The following SESN1 variants were observed in gnomAD, a reference collection of about 807,000 sequenced individuals.
The protein encoded by SESN1 is sestrin-1.
SESN1 carries 30 observed loss-of-function variants against 59.3 expected under a neutral mutation model. The observed-to-expected ratio is 0.51, with a 90% CI of 0.38 to 0.69. SESN1 has a LOEUF of 0.69. SESN1 is among the 30% of genes least tolerant of loss of function. The probability of loss-of-function intolerance (pLI) is 0.00; values close to 1 mark genes in which losing one functional copy is unlikely to be tolerated. For synonymous variants in SESN1, 197 were observed against 219.9 expected, an observed-to-expected ratio of 0.90 and a Z score of 0.92; for missense variants, 566 against 673.0, an observed-to-expected ratio of 0.84 and a Z score of 1.76.
At chr6:109,015,274 T>C (rs190702265) in intron 1 of SESN1, among the ~76,000 whole-genome samples, 5 of 152,246 alleles carry the variant, frequency 3.3e-5, no homozygotes, top group Admixed American at 2.6e-4. Flanking sequence ...TTGGAACTCA[T>C]AGATACCCAA....
At chr6:109,007,309 T>C (rs75222113) in intron 1 of SESN1, among the ~76,000 whole-genome samples, 11,726 of 152,312 alleles carry the variant, frequency 0.077, 633 homozygotes, top group East Asian at 0.2. Context: ...ATTTGTGAGA[T>C]ACATTTATGC....
At chr6:109,092,369 C>G (rs974472645) in intron 1 of SESN1, among the ~76,000 whole-genome samples, 2 of 152,144 alleles carry the variant, frequency 1.3e-5, no homozygotes, top group Non-Finnish European at 2.9e-5. Flanking sequence ...CTCCAGTACC[C>G]ACTTATTTAT....
chr6:109,073,759 C>T (rs1319699883), intron 1 of SESN1, among the ~76,000 whole-genome samples: 1 of 152,172 alleles, frequency 6.6e-6, no homozygotes, highest in African/African-American at 2.4e-5. Context: ...TTAGAAGAGA[C>T]ATTTCAGAGA....
Position 109,094,192 on chromosome 6 carries a change from AAC to A in SESN1, c.-121_-120del, listed in dbSNP as rs1436569958. 4.2e-5 allele frequency: 48 copies of A among 1,142,334 alleles called. No homozygotes were observed. Among genetic ancestry groups the A allele is most frequent in the Non-Finnish European group, 5.8e-5 (47 of 811,340 alleles). 70.8% of individuals were successfully genotyped at this position (1,142,334 alleles called of 1,614,324 possible). A position where few individuals can be genotyped will look rare whatever the true frequency, so the allele number is the denominator to read the frequency against. ...ATCAGAGAAATCAAATCGTCATGAAAACACACATCTGGGTGACATTTGGAACC... is the reference window on the plus strand; with the variant it reads ...ATCAGAGAAATCAAATCGTCATGAAAACACATCTGGGTGACATTTGGAACC... On this transcript the variant is annotated 5_prime_UTR_variant, in exon 1 of 10. An upstream open reading frame in the 5' UTR loses its in-frame stop. Coordinates refer to ENST00000436639, the MANE Select transcript of SESN1 (RefSeq NM_014454.3).
intron 4 of SESN1, 25 bp from the exon 5 acceptor site, chr6:108,998,780 A>G (rs763379019): frequency 3.1e-6 from 5 of 1,588,438 alleles, no homozygotes; most frequent in East Asian, 2.2e-5. Flanking sequence ...AAAAAAGAAT[A>G]TATTTTTGTA....
intron 1 of SESN1, among the ~76,000 whole-genome samples, chr6:109,074,219 T>C (rs932357610): frequency 6.6e-6 from 1 of 152,232 alleles, no homozygotes; most frequent in Non-Finnish European, 1.5e-5. Context: ...GTTTGCACAA[T>C]TATGTAATTG....
At chr6:109,044,772 C>T (rs1012921917) in intron 1 of SESN1, among the ~76,000 whole-genome samples, 10 of 152,032 alleles carry the variant, frequency 6.6e-5, no homozygotes, top group African/African-American at 2.4e-4. Context: ...GCCTGTAATC[C>T]CAGCACTTTG....
At chr6:109,059,096 T>C (rs563748199) in intron 1 of SESN1, among the ~76,000 whole-genome samples, 5 of 149,818 alleles carry the variant, frequency 3.3e-5, no homozygotes, top group African/African-American at 1.2e-4. Context: ...TATCACTTCA[T>C]ACACACACAC....
chr6:109,076,531 G>A (rs181799105), intron 1 of SESN1, among the ~76,000 whole-genome samples: 13 of 152,232 alleles, frequency 8.5e-5, no homozygotes, highest in African/African-American at 3.1e-4. Context: ...AATGTAGTGA[G>A]GAGCTTTGAC....
At chr6:109,060,624 G>C (rs1052291906) in intron 1 of SESN1, among the ~76,000 whole-genome samples, 4 of 152,152 alleles carry the variant, frequency 2.6e-5, no homozygotes, top group Admixed American at 6.5e-5. Context: ...TTTTAGGTCA[G>C]AAAAAGTAGG....
chr6:109,001,178 TATTATATATCATA>T, intron 3 of SESN1, 97 bp downstream of exon 3: 1 of 897,818 alleles, frequency 1.1e-6, no homozygotes, highest in Non-Finnish European at 1.7e-6. Context: ...ACAGGAATCA[TATTATATATCATA>T]ATCTAAGTAT....
intron 7 of SESN1, among the ~76,000 whole-genome samples, chr6:108,991,411 TTTAAAA>T (rs1224982408): frequency 6.6e-6 from 1 of 152,198 alleles, no homozygotes; most frequent in African/African-American, 2.4e-5. Context: ...CTTGGCTACT[TTTAAAA>T]TTATTTGTAG....
intron 1 of SESN1, among the ~76,000 whole-genome samples, chr6:109,043,377 G>T (rs1474855617): frequency 2.0e-5 from 3 of 151,940 alleles, no homozygotes; most frequent in African/African-American, 7.2e-5. Flanking sequence ...AAGCCATACA[G>T]ATAAAAAACA....
intron 1 of SESN1, among the ~76,000 whole-genome samples, chr6:109,008,488 CATTT>C (rs1779781499): frequency 6.6e-6 from 1 of 152,150 alleles, no homozygotes; most frequent in Admixed American, 6.5e-5. Flanking sequence ...AAAGTGTCTT[CATTT>C]AAGTTTCTAT....
At chr6:109,001,208 CTG>C in intron 3 of SESN1, 78 bp downstream of exon 3, 1 of 1,151,174 alleles carries the variant, frequency 8.7e-7, no homozygotes, top group Non-Finnish European at 1.3e-6. Flanking sequence ...GTATTTATCC[CTG>C]TGTTTAAAGC....
chr6:109,060,200 A>C (rs769380545), intron 1 of SESN1, among the ~76,000 whole-genome samples: 12 of 152,258 alleles, frequency 7.9e-5, no homozygotes, highest in Non-Finnish European at 1.6e-4. Flanking sequence ...TAAATAAAAC[A>C]TTAACAAAGG....
intron 1 of SESN1, among the ~76,000 whole-genome samples, chr6:109,069,547 A>ATT (rs930704513): frequency 6.8e-6 from 1 of 147,562 alleles, no homozygotes; most frequent in Non-Finnish European, 1.5e-5. Context: ...ACAAACTTTA[A>ATT]TTTTTTTTTT....
In SESN1 at chr6:109,022,353, C is replaced by T. The variant is rs527476079; in HGVS notation, c.280-20010G>A. 2.0e-3 allele frequency among the ~76,000 whole-genome samples: 287 copies of T among 141,370 alleles called. 1 individual carries two copies. Among genetic ancestry groups the T allele is most frequent in the Non-Finnish European group, 3.3e-3 (215 of 65,966 alleles). 92.7% of individuals were successfully genotyped at this position (141,370 alleles called of 152,430 possible). A position where few individuals can be genotyped will look rare whatever the true frequency, so the allele number is the denominator to read the frequency against. ...AAGCAGGGCAATGCTATACTAGTTT[C>T]GATTTGATATTAATAGAATATCTAA... On this transcript the variant is annotated intron_variant, in intron 1 of 9. Coordinates refer to ENST00000436639, the MANE Select transcript of SESN1 (RefSeq NM_014454.3).
intron 1 of SESN1, among the ~76,000 whole-genome samples, chr6:109,010,632 T>G (rs1779842759): frequency 6.6e-6 from 1 of 152,218 alleles, no homozygotes; most frequent in African/African-American, 2.4e-5. Context: ...GTCAAAATGG[T>G]TACTTTTTAT....
Sources: gnomAD v4.1 joint callset for allele counts (sites outside exome capture counted in the v4.1 genomes callset) on GRCh38, gnomAD v4.1.1 for gene constraint, MANE v1.5 for transcripts, NCBI Gene and HGNC (gene_info 2026-07-23, HGNC 2026-07-21) for gene names.